The following CHD1 variants were observed in gnomAD, a reference collection of about 807,000 sequenced individuals.
CHD1 encodes chromodomain helicase DNA binding protein 1.
In CHD1, 36 loss-of-function variants were observed where a neutral mutation model predicts 224.2. The ratio of observed to expected loss-of-function variants is 0.16; its 90% CI spans 0.12 to 0.21. The LOEUF is 0.21. CHD1 is among the 10% of genes least tolerant of loss of function. The pLI, the probability that CHD1 is intolerant of heterozygous loss-of-function variation, is 1.00. For missense variants in CHD1, 1,378 were observed against 1,994.8 expected, an observed-to-expected ratio of 0.69 and a Z score of 5.89; for synonymous variants, 668 against 658.3, an observed-to-expected ratio of 1.01 and a Z score of -0.23.
At chr5:98,869,539 C>A in intron 30 of CHD1, 1 of 520,016 alleles carries the variant, frequency 1.9e-6, no homozygotes. Context: ...GCCTCTAGTG[C>A]TATATAATAT....
rs1345453280 is a variant in CHD1, at chr5:98,898,376, G to A, written c.1245C>T (p.Gly415=). 1 of 1,600,050 alleles carries A rather than the reference G, an allele frequency of 6.2e-7. No individual in the cohort carries two copies. ...GYPDYYCKWQ[G]LPYSECSWED... The stretch of plus-strand genomic sequence containing the variant: ...CCCAGCTGCACTCTGAGTATGGAAG[G>A]CCCTGCCATTTGCAGTAATAATCAG... Residue 415 remains glycine (G), a synonymous_variant, in exon 10 of 36, where the codon GGC becomes GGT. Coordinates refer to ENST00000614616, the MANE Select transcript of CHD1 (RefSeq NM_001270.4).
chr5:98,926,186 AT>A lies in CHD1; in HGVS notation c.53+147del, dbSNP rs1052921179. The A allele has an allele frequency of 2.1e-4, 108 of 506,470 alleles. 1 individual carries two copies. The highest frequency in any genetic ancestry group is 1.8e-3 in the African/African-American group (88 of 49,378). The allele number at this position is 506,470 out of a possible 1,614,324, so 31.4% of individuals were successfully genotyped here. ...TATGAAAAAAGGTTCGTATATCAGA[AT>A]TTTTTTAGTATTTGGATAGCTAAGA... On this transcript the variant is annotated intron_variant, in intron 2 of 35. Transcript: ENST00000614616.
Position 98,878,787 on chromosome 5 carries a change from G to A in CHD1, c.3237+765C>T, listed in dbSNP as rs1261103131. 2.6e-5 allele frequency among the ~76,000 whole-genome samples: 4 copies of A among 152,118 alleles called. No homozygotes were observed. The East Asian group carries it at 7.7e-4, about 29-fold the overall frequency. ...TGTGGGTCAAAGATAAGTCATATGG[G>A]AAATTTTAAAATGTTTTTAAATTAA... On this transcript the variant is annotated intron_variant, in intron 23 of 35. Coordinates refer to ENST00000614616, the MANE Select transcript of CHD1 (RefSeq NM_001270.4).
At position 98,905,871 on chromosome 5, in the gene CHD1, T is replaced by C. The variant is rs1752019135; in HGVS notation, c.54-773A>G. ...AGTCTGGACTAAACAGTTGATTATA[T>C]AATTATCCCCAAGGTCATTTGTTTA... On this transcript the variant is annotated intron_variant, in intron 2 of 35. Transcript: ENST00000614616. 1.3e-5 allele frequency among the ~76,000 whole-genome samples: 2 copies of C among 152,316 alleles called. 1 individual carries two copies. The highest frequency in any genetic ancestry group is 4.1e-4 in the South Asian group (2 of 4,832).
intron 29 of CHD1, 46 bp downstream of exon 29, chr5:98,870,612 TTTAGCATGGTGAAGTAAACAAAATTTACC>T: frequency 1.4e-6 from 1 of 731,886 alleles, no homozygotes; most frequent in Non-Finnish European, 2.3e-6. Context: ...ACTTCAGATG[TTTAGCATGGTGAAGTAAACAAAATTTACC>T]TTACTAAAAA....
chr5:98,879,427 CATT>C (rs1750004669), intron 23 of CHD1, 122 bp downstream of exon 23: 1 of 717,682 alleles, frequency 1.4e-6, no homozygotes, highest in Admixed American at 3.4e-5. Context: ...ATGAGGCAAA[CATT>C]ATCAAATCAA....
chr5:98,924,584 A>C (rs140350989), intron 2 of CHD1, among the ~76,000 whole-genome samples: 8 of 152,358 alleles, frequency 5.3e-5, no homozygotes, highest in Non-Finnish European at 1.2e-4. Context: ...GCTGCTTTCC[A>C]TAACTGTTCC....
At chr5:98,892,791 G>T in intron 14 of CHD1, 78 bp from the exon 15 acceptor site, 1 of 869,174 alleles carries the variant, frequency 1.2e-6, no homozygotes, top group Non-Finnish European at 1.6e-6. Flanking sequence ...TTTTTTTTAG[G>T]GGAGTCATTT....
At chr5:98,911,144 AAAATATATAT>A (rs1344981535) in intron 2 of CHD1, among the ~76,000 whole-genome samples, 63 of 73,746 alleles carry the variant, frequency 8.5e-4, no homozygotes, top group Middle Eastern at 7.8e-3. Context: ...AAAAAAAAAA[AAAATATATAT>A]ATATATATAT....
intron 1 of CHD1, among the ~76,000 whole-genome samples, chr5:98,927,345 A>G (rs1753537921): frequency 6.6e-6 from 1 of 152,144 alleles, no homozygotes; most frequent in Admixed American, 6.5e-5. Context: ...GGGGAGGGAG[A>G]GGAAGAAGCG....
At chr5:98,923,418 ATTTT>A (rs5869836) in intron 2 of CHD1, among the ~76,000 whole-genome samples, 3 of 145,882 alleles carry the variant, frequency 2.1e-5, no homozygotes, top group Admixed American at 6.8e-5. Context: ...GCAAGGTTTA[ATTTT>A]TTTTTTTTTT....
chr5:98,914,259 C>T (rs973414646), intron 2 of CHD1, among the ~76,000 whole-genome samples: 19 of 152,166 alleles, frequency 1.2e-4, no homozygotes, highest in African/African-American at 4.6e-4. Context: ...GGAAGCCATA[C>T]ATTAAGAAGA....
chr5:98,919,344 T>C (rs1221985528), intron 2 of CHD1, among the ~76,000 whole-genome samples: 1 of 152,192 alleles, frequency 6.6e-6, no homozygotes, highest in Non-Finnish European at 1.5e-5. Context: ...CAGGATGGAA[T>C]GCAGATTGTG....
chr5:98,890,969 T>G (rs1296001177), intron 15 of CHD1, among the ~76,000 whole-genome samples: 1 of 152,194 alleles, frequency 6.6e-6, no homozygotes, highest in African/African-American at 2.4e-5. Context: ...TAAAAAAATT[T>G]TTTGAGACAA....
At chr5:98,860,223 T>C (rs1421654189) in intron 32 of CHD1, 155 bp from the exon 33 acceptor site, 5 of 636,716 alleles carry the variant, frequency 7.9e-6, no homozygotes, top group South Asian at 6.1e-5. Flanking sequence ...CTATGCATTT[T>C]TTCAAAACTT....
At chr5:98,877,489 A>G (rs1035672424) in intron 23 of CHD1, among the ~76,000 whole-genome samples, 5 of 152,178 alleles carry the variant, frequency 3.3e-5, no homozygotes, top group Admixed American at 6.5e-5. Context: ...GACAAATCAG[A>G]TATTTGAAAG....
At chr5:98,876,608 C>T in intron 23 of CHD1, 50 bp from the exon 24 acceptor site, 4 of 1,481,764 alleles carry the variant, frequency 2.7e-6, no homozygotes, top group Non-Finnish European at 3.7e-6. Flanking sequence ...CAGCTTGTAT[C>T]TTAAGAGCAA....
intron 2 of CHD1, among the ~76,000 whole-genome samples, chr5:98,908,577 T>G (rs1214192614): frequency 2.0e-5 from 3 of 152,170 alleles, no homozygotes; most frequent in African/African-American, 4.8e-5. Context: ...CAGTTTTACA[T>G]ATTTTATGTA....
At position 98,855,674 on chromosome 5, in the gene CHD1, T is replaced by C. The variant is rs1281568130; in HGVS notation, c.*706A>G. ...AAAAAGTGTTATTACACTGATTTTT[T>C]TTTTTTTAATAAGAAGGCCTGAGTT... On this transcript the variant is annotated 3_prime_UTR_variant, in exon 36 of 36. Transcript: ENST00000614616. 2 of 151,866 alleles carry C rather than the reference T, an allele frequency of 1.3e-5. No individual in the cohort carries two copies. The highest frequency in any genetic ancestry group is 2.9e-5 in the Non-Finnish European group (2 of 67,934). The allele number at this position is 151,866 out of a possible 1,614,324, so 9.4% of individuals were successfully genotyped here.
Sources: allele counts gnomAD v4.1 joint callset (sites outside exome capture counted in the v4.1 genomes callset), GRCh38; gene constraint gnomAD v4.1.1; transcripts MANE v1.5; gene names NCBI Gene and HGNC (gene_info 2026-07-23, HGNC 2026-07-21).